The following DOCK1 variants were observed in gnomAD, a reference collection of about 807,000 sequenced individuals.
DOCK1 encodes the protein dedicator of cytokinesis protein 1.
In DOCK1, 138 loss-of-function variants were observed where a neutral mutation model predicts 262.7. That is an observed-to-expected ratio of 0.53 (90% CI 0.46 to 0.61). DOCK1 has a LOEUF of 0.61. DOCK1 is among the 20% of genes least tolerant of loss of function. The pLI, the probability that DOCK1 is intolerant of heterozygous loss-of-function variation, is 0.00. For missense variants in DOCK1, 1,908 were observed against 2,370.7 expected (o/e 0.80, Z 4.05); for synonymous variants, 866 against 867.4 (o/e 1.00, Z 0.03).
At chr10:127,229,146 C>G (rs554206672) in intron 27 of DOCK1, among the ~76,000 whole-genome samples, 8 of 152,280 alleles carry the variant, frequency 5.3e-5, no homozygotes, top group African/African-American at 1.9e-4. Flanking sequence ...ATCGCTTGAA[C>G]CCACCAGGCA....
At chr10:126,946,116 A>G (rs944628368) in intron 1 of DOCK1, among the ~76,000 whole-genome samples, 3 of 152,210 alleles carry the variant, frequency 2.0e-5, no homozygotes, top group East Asian at 3.8e-4. Flanking sequence ...GGAAAAATAT[A>G]TATAACATAG....
chr10:126,998,086 A>G lies in DOCK1; in HGVS notation c.610-6A>G. 1 of 1,613,956 alleles carries G rather than the reference A, an allele frequency of 6.2e-7. No individual in the cohort carries two copies. The highest frequency in any genetic ancestry group is 8.5e-7 in the Non-Finnish European group (1 of 1,179,846). Reference sequence around the variant, plus strand: ...GGGTTGACTTTCTGTTTCCTTCCATACACAGTCTCAAAAGCAGAACATAGA... The same window carrying G: ...GGGTTGACTTTCTGTTTCCTTCCATGCACAGTCTCAAAAGCAGAACATAGA... On this transcript the variant is annotated splice_polypyrimidine_tract_variant and splice_region_variant and intron_variant, in intron 7 of 51. Transcript: ENST00000623213.
intron 28 of DOCK1, 138 bp from the exon 29 acceptor site, chr10:127,257,197 G>A (rs2059856661): frequency 1.4e-6 from 1 of 697,878 alleles, no homozygotes. Flanking sequence ...CAGCTCCTAT[G>A]AAATATATCT....
At position 127,259,094 on chromosome 10, in the gene DOCK1, C is replaced by G. The variant is rs192938318; in HGVS notation, c.3044+1665C>G. Among the ~76,000 whole-genome samples, 12 of 152,298 alleles carry G rather than the reference C, an allele frequency of 7.9e-5. No individual in the cohort carries two copies. The East Asian group carries it at 1.7e-3, about 22-fold the overall frequency. ...TCAGATGTTACTGAGCTGGAAGTCT[C>G]CTTCCACACATCAAAGATGGCATCT... On this transcript the variant is annotated intron_variant, in intron 29 of 51. Coordinates refer to ENST00000623213, the MANE Select transcript of DOCK1 (RefSeq NM_001290223.2).
chr10:127,342,508 A>G (rs973301077), intron 30 of DOCK1, among the ~76,000 whole-genome samples: 7 of 152,142 alleles, frequency 4.6e-5, no homozygotes, highest in Admixed American at 1.3e-4. Context: ...TGATCAAATG[A>G]GCTGGTGTAT....
Position 127,361,260 on chromosome 10 carries a change from C to T in DOCK1, c.3284-804C>T, listed in dbSNP as rs139705939. ...TCCCAGGTAGCTGGGACTACAGGCGCCCGCTACCACGCCCAGCTGATTTTT... is the reference window on the plus strand; with the variant it reads ...TCCCAGGTAGCTGGGACTACAGGCGTCCGCTACCACGCCCAGCTGATTTTT... On this transcript the variant is annotated intron_variant, in intron 32 of 51. Transcript: ENST00000623213. 4.0e-5 allele frequency among the ~76,000 whole-genome samples: 6 copies of T among 151,756 alleles called. No homozygotes were observed. The East Asian group carries it at 1.2e-3, about 30-fold the overall frequency.
intron 25 of DOCK1, among the ~76,000 whole-genome samples, chr10:127,118,666 T>G (rs994397478): frequency 6.6e-6 from 1 of 152,222 alleles, no homozygotes; most frequent in African/African-American, 2.4e-5. Flanking sequence ...TCAAATTCCA[T>G]GATACTGAAT....
chr10:126,949,259 C>G (rs1384324152), intron 1 of DOCK1, among the ~76,000 whole-genome samples: 2 of 152,118 alleles, frequency 1.3e-5, no homozygotes, highest in Non-Finnish European at 2.9e-5. Flanking sequence ...GCAGCCCTCT[C>G]CCTGTGGGGA....
At chr10:127,253,314 G>A (rs1183597631) in intron 28 of DOCK1, among the ~76,000 whole-genome samples, 1 of 152,126 alleles carries the variant, frequency 6.6e-6, no homozygotes, top group African/African-American at 2.4e-5. Context: ...CCCACTCTGT[G>A]GCTTTGGAAA....
At position 127,160,013 on chromosome 10, in the gene DOCK1, C is replaced by T. The variant is rs868411147; in HGVS notation, c.2847+32249C>T. Among the ~76,000 whole-genome samples the T allele has an allele frequency of 4.6e-5, 7 of 152,048 alleles. No homozygotes were observed. The East Asian group carries it at 7.7e-4, about 17-fold the overall frequency. ...GAAAGATCACTGCAAGCTTTCTTCC[C>T]GGCCACATATCCAAGCTCTGCTTAG... On this transcript the variant is annotated intron_variant, in intron 27 of 51. Transcript: ENST00000623213.
At chr10:127,184,195 C>A (rs2055999267) in intron 27 of DOCK1, among the ~76,000 whole-genome samples, 1 of 152,126 alleles carries the variant, frequency 6.6e-6, no homozygotes, top group African/African-American at 2.4e-5. Flanking sequence ...ATGTTAAAGG[C>A]AGGACTGGAC....
intron 29 of DOCK1, among the ~76,000 whole-genome samples, chr10:127,288,996 C>T (rs1478132757): frequency 6.6e-6 from 1 of 152,022 alleles, no homozygotes; most frequent in African/African-American, 2.4e-5. Flanking sequence ...TTAGTGATTG[C>T]ACTTTTTTAT....
chr10:127,100,121 C>T lies in DOCK1; in HGVS notation c.2446-6110C>T, dbSNP rs1014430859. 2.0e-4 allele frequency among the ~76,000 whole-genome samples: 30 copies of T among 152,250 alleles called. No homozygotes were observed. The highest frequency in any genetic ancestry group is 5.9e-5 in the Non-Finnish European group (4 of 68,010). On this transcript the variant is annotated intron_variant, in intron 23 of 51. Coordinates refer to ENST00000623213, the MANE Select transcript of DOCK1 (RefSeq NM_001290223.2). This position sits in a 1 kb window ranked among gnomAD's most constrained non-coding sequence, Gnocchi z 5.5. ...TTCCCTGTGTCCCATGAGCAGGGGACGTTGCCACAGTATCTAAATTCCATT... is the reference window on the plus strand; with the variant it reads ...TTCCCTGTGTCCCATGAGCAGGGGATGTTGCCACAGTATCTAAATTCCATT...
intron 21 of DOCK1, among the ~76,000 whole-genome samples, chr10:127,049,095 A>G (rs965091035): frequency 2.0e-5 from 3 of 152,216 alleles, no homozygotes; most frequent in African/African-American, 7.2e-5. Flanking sequence ...TCCTGAATCT[A>G]TTTTATAATT....
At chr10:127,403,697 T>A (rs34678066) in intron 39 of DOCK1, among the ~76,000 whole-genome samples, 21,829 of 152,138 alleles carry the variant, frequency 0.14, 1,946 homozygotes, top group South Asian at 0.26. Context: ...AGGTGGAAGT[T>A]GCAGTGAGCT....
At chr10:126,930,567 G>A (rs1434260919) in intron 1 of DOCK1, among the ~76,000 whole-genome samples, 7 of 152,172 alleles carry the variant, frequency 4.6e-5, no homozygotes, top group Admixed American at 1.3e-4. Context: ...GGGATGCAGC[G>A]CCTCCTCCTG....
At chr10:127,338,746 A>G (rs2063302648) in intron 29 of DOCK1, among the ~76,000 whole-genome samples, 1 of 152,152 alleles carries the variant, frequency 6.6e-6, no homozygotes, top group African/African-American at 2.4e-5. Context: ...GTTTTAAGTC[A>G]TACTTTTCAA....
At chr10:127,169,190 G>A (rs953938979) in intron 27 of DOCK1, among the ~76,000 whole-genome samples, 1 of 152,128 alleles carries the variant, frequency 6.6e-6, no homozygotes, top group Non-Finnish European at 1.5e-5. Flanking sequence ...AGGTATATGT[G>A]TGTCATACAC....
At chr10:127,064,637 C>T (rs1452677587) in intron 23 of DOCK1, among the ~76,000 whole-genome samples, 8 of 152,216 alleles carry the variant, frequency 5.3e-5, no homozygotes, top group Non-Finnish European at 1.0e-4. Flanking sequence ...CCGTCACCCC[C>T]GCTCCCCAGG....
Sources: gnomAD v4.1 joint callset for allele counts (sites outside exome capture counted in the v4.1 genomes callset) on GRCh38, gnomAD v4.1.1 for gene constraint, Gnocchi (gnomAD v3.1) non-coding constraint, MANE v1.5 for transcripts, NCBI Gene and HGNC (gene_info 2026-07-23, HGNC 2026-07-21) for gene names.